The following RASSF9 variants were observed in gnomAD, a reference collection of about 807,000 sequenced individuals.
The protein encoded by RASSF9 is ras association domain-containing protein 9.
A neutral mutation model predicts 21.4 loss-of-function variants in RASSF9; 18 were observed. That is an observed-to-expected ratio of 0.84 (90% confidence interval 0.58 to 1.25). The LOEUF is 1.25. RASSF9 is among the 50% of genes most tolerant of loss of function. The pLI is 0.00. For missense variants in RASSF9, 480 were observed against 503.2 expected (o/e 0.95, Z 0.44); for synonymous variants, 183 against 179.1 (o/e 1.02, Z -0.18).
At chr12:85,812,466 A>G in intron 1 of RASSF9, among the ~76,000 whole-genome samples, 1 of 151,170 alleles carries the variant, frequency 6.6e-6, no homozygotes. Flanking sequence ...ATCCCCTGAA[A>G]TATTGATGAG....
intron 1 of RASSF9, among the ~76,000 whole-genome samples, chr12:85,823,057 G>A (rs542851276): frequency 5.9e-5 from 9 of 152,028 alleles, no homozygotes; most frequent in African/African-American, 2.2e-4. Flanking sequence ...AAATTTAGCC[G>A]GTCTTGTTAT....
rs187035856 is a variant in RASSF9 at position 85,821,830 on chromosome 12, G to A, written c.47+14325C>T. 4.4e-3 allele frequency among the ~76,000 whole-genome samples: 676 copies of A among 152,220 alleles called. 5 individuals carry two copies. The highest frequency in any genetic ancestry group is 0.015 in the African/African-American group (622 of 41,538). On this transcript the variant is annotated intron_variant, in intron 1 of 1. Transcript: ENST00000361228. ...ATAATTCCCATGAACAGGGTAAAGGGAAGAGAATGTGTAAAGAATGTGTAT... is the reference window on the plus strand; with the variant it reads ...ATAATTCCCATGAACAGGGTAAAGGAAAGAGAATGTGTAAAGAATGTGTAT...
intron 1 of RASSF9, among the ~76,000 whole-genome samples, chr12:85,832,780 C>T (rs1565758418): frequency 6.6e-6 from 1 of 151,874 alleles, no homozygotes; most frequent in Non-Finnish European, 1.5e-5. Context: ...CATCAAGAAT[C>T]TTTGGAATTC....
At position 85,805,655 on chromosome 12, in the gene RASSF9, C is replaced by T; in HGVS notation, c.355G>A (p.Ala119Thr). 6.2e-7 allele frequency: 1 copy of T among 1,614,004 alleles called. No homozygotes were observed. The highest frequency in any genetic ancestry group is 1.3e-5 in the African/African-American group (1 of 75,050). Residue 119 changes from alanine to threonine, a missense_variant, in exon 2 of 2, where the codon GCT becomes ACT. Transcript: ENST00000361228. ...NMQFVLVKADAFLPVPLWRTA... is the reference protein window; with the variant it reads ...NMQFVLVKADTFLPVPLWRTA... ...CGCCACAAAGGAACTGGAAGAAAAG[C>T]ATCTGCTTTAACCAAAACAAATTGC...
Position 85,802,737 on chromosome 12 carries a change from C to T in RASSF9, c.*1965G>A, listed in dbSNP as rs1000989553. 1.3e-5 allele frequency: 2 copies of T among 152,104 alleles called. No individual in the cohort carries two copies. Among genetic ancestry groups the T allele is most frequent in the African/African-American group, 4.8e-5 (2 of 41,436 alleles). 9.4% of individuals were successfully genotyped at this position (152,104 alleles called of 1,614,324 possible). The stretch of plus-strand genomic sequence containing the variant: ...TGACTTCCACTGTAGGAAAATGATA[C>T]AATGGGTTTATCATTTACGATGATC... On this transcript the variant is annotated 3_prime_UTR_variant, in exon 2 of 2. Coordinates refer to ENST00000361228, the MANE Select transcript of RASSF9 (RefSeq NM_005447.4).
At position 85,827,385 on chromosome 12, in the gene RASSF9, C is replaced by T. The variant is rs1300197782; in HGVS notation, c.47+8770G>A. 5.9e-5 allele frequency among the ~76,000 whole-genome samples: 9 copies of T among 152,138 alleles called. No individual in the cohort carries two copies. The East Asian group carries it at 1.3e-3, about 23-fold the overall frequency. On this transcript the variant is annotated intron_variant, in intron 1 of 1. Coordinates refer to ENST00000361228, the MANE Select transcript of RASSF9 (RefSeq NM_005447.4). ...CACTAGTCATCATATTTTGCCTATA[C>T]TACTGTAATGTCACCGCAACTAGAG...
Position 85,821,854 on chromosome 12 carries a change from A to T in RASSF9, c.47+14301T>A, listed in dbSNP as rs542286219. 7.2e-5 allele frequency among the ~76,000 whole-genome samples: 11 copies of T among 152,314 alleles called. No individual in the cohort carries two copies. The South Asian group carries it at 1.7e-3, about 23-fold the overall frequency. ...GGAAGAGAATGTGTAAAGAATGTGT[A>T]TTGGAAACTACTTGGGGTTAAGTAA... On this transcript the variant is annotated intron_variant, in intron 1 of 1. Coordinates refer to ENST00000361228, the MANE Select transcript of RASSF9 (RefSeq NM_005447.4).
chr12:85,810,840 T>G (rs1879937967), intron 1 of RASSF9, among the ~76,000 whole-genome samples: 1 of 152,064 alleles, frequency 6.6e-6, no homozygotes, highest in African/African-American at 2.4e-5. Flanking sequence ...ACACACAACC[T>G]CTGATTCTAA....
At position 85,836,196 on chromosome 12, in the gene RASSF9, A is replaced by G. The variant is rs1160487921; in HGVS notation, c.6T>C (p.Ala2=). 2.0e-6 allele frequency: 3 copies of G among 1,517,864 alleles called. No homozygotes were observed. Among genetic ancestry groups the G allele is most frequent in the Non-Finnish European group, 2.7e-6 (3 of 1,128,634 alleles). The allele number at this position is 1,517,864 out of a possible 1,614,324, so 94.0% of individuals were successfully genotyped here. A position where few individuals can be genotyped will look rare whatever the true frequency, so the allele number is the denominator to read the frequency against. M[A]PFGRNLLKTR... Reference sequence around the variant, plus strand: ...TCTTTAGCAAGTTTCTTCCAAAGGGAGCCATGGTCTGTCGGGCAAACGAAT... The same window carrying G: ...TCTTTAGCAAGTTTCTTCCAAAGGGGGCCATGGTCTGTCGGGCAAACGAAT... Residue 2 remains alanine, a synonymous_variant, in exon 1 of 2, where the codon GCT becomes GCC. Transcript: ENST00000361228.
chr12:85,818,785 C>G (rs982278002), intron 1 of RASSF9, among the ~76,000 whole-genome samples: 5 of 151,730 alleles, frequency 3.3e-5, no homozygotes, highest in Non-Finnish European at 7.4e-5. Context: ...ATGGTGAAAC[C>G]TCGTCTCTAC....
Position 85,804,257 on chromosome 12 carries a change from T to C in RASSF9, c.*445A>G, listed in dbSNP as rs376386197. On this transcript the variant is annotated 3_prime_UTR_variant, in exon 2 of 2. Transcript: ENST00000361228. ...TTGAATTAATGCAGTTACAACACAG[T>C]AGCTCCCATATACTTTACAGATTTA... is the stretch of plus-strand genomic sequence containing the variant. 1.6e-3 allele frequency: 243 copies of C among 155,002 alleles called. 6 individuals carry two copies. In the South Asian group the frequency reaches 0.047, roughly 30 times the overall value. The allele number at this position is 155,002 out of a possible 1,614,324, so 9.6% of individuals were successfully genotyped here.
At chr12:85,835,389 A>G (rs1013895288) in intron 1 of RASSF9, among the ~76,000 whole-genome samples, 1 of 152,200 alleles carries the variant, frequency 6.6e-6, no homozygotes, top group African/African-American at 2.4e-5. Context: ...TAAGACAGAC[A>G]TACTGTCCCT....
At chr12:85,807,695 G>A (rs762975534) in intron 1 of RASSF9, among the ~76,000 whole-genome samples, 1 of 152,018 alleles carries the variant, frequency 6.6e-6, no homozygotes, top group East Asian at 1.9e-4. Flanking sequence ...ATATGGGCTT[G>A]ATAGTACTTT....
At chr12:85,807,603 G>A (rs571860258) in intron 1 of RASSF9, among the ~76,000 whole-genome samples, 22 of 152,078 alleles carry the variant, frequency 1.4e-4, no homozygotes, top group Non-Finnish European at 2.4e-4. Context: ...ATCAGAGTTG[G>A]GATATAGATG....
chr12:85,834,932 T>C (rs1206503727), intron 1 of RASSF9, among the ~76,000 whole-genome samples: 2 of 152,120 alleles, frequency 1.3e-5, no homozygotes, highest in African/African-American at 4.8e-5. Flanking sequence ...AAATAGCATA[T>C]TTGTGAAATA....
At chr12:85,819,680 A>G (rs1880165335) in intron 1 of RASSF9, among the ~76,000 whole-genome samples, 1 of 152,184 alleles carries the variant, frequency 6.6e-6, no homozygotes, top group South Asian at 2.1e-4. Context: ...CAAGTTTGTG[A>G]TAAATATTAA....
intron 1 of RASSF9, among the ~76,000 whole-genome samples, chr12:85,820,455 A>G (rs1880181877): frequency 6.6e-6 from 1 of 152,208 alleles, no homozygotes; most frequent in Non-Finnish European, 1.5e-5. Context: ...CAAGAAAAGG[A>G]AAATGATTTC....
intron 1 of RASSF9, among the ~76,000 whole-genome samples, chr12:85,823,234 C>T (rs1880256033): frequency 6.6e-6 from 1 of 151,802 alleles, no homozygotes. Context: ...ACTGCCTCCA[C>T]TCATCCTCAG....
At chr12:85,815,517 ACT>A (rs1880043125) in intron 1 of RASSF9, among the ~76,000 whole-genome samples, 1 of 152,134 alleles carries the variant, frequency 6.6e-6, no homozygotes, top group South Asian at 2.1e-4. Context: ...GAATTGCCAC[ACT>A]GTCTTCCACA....
Sources: allele counts gnomAD v4.1 joint callset (sites outside exome capture counted in the v4.1 genomes callset), GRCh38; gene constraint gnomAD v4.1.1; transcripts MANE v1.5; gene names NCBI Gene and HGNC (gene_info 2026-07-23, HGNC 2026-07-21).